The following AK5 variants were observed in gnomAD, a reference collection of about 807,000 sequenced individuals.
AK5 encodes adenylate kinase 5.
In AK5, 27 loss-of-function variants were observed where a neutral mutation model predicts 69.5. The ratio of observed to expected loss-of-function variants is 0.39; its 90% CI spans 0.29 to 0.54. The LOEUF (loss-of-function observed/expected upper bound fraction) is 0.54, where lower values mean the gene tolerates loss of function less well. Ranked by LOEUF, AK5 falls within the 20% of genes least tolerant of loss-of-function variation. The pLI, the probability that AK5 is intolerant of heterozygous loss-of-function variation, is 0.71. For synonymous variants in AK5, 260 were observed against 244.4 expected (o/e 1.06, Z -0.60); for missense variants, 531 against 700.4 (o/e 0.76, Z 2.73).
intron 6 of AK5, among the ~76,000 whole-genome samples, chr1:77,360,162 G>A (rs576947699): frequency 8.5e-5 from 13 of 152,286 alleles, no homozygotes; most frequent in Admixed American, 2.6e-4. Context: ...ATAGATTAGA[G>A]TTGAATAACA....
At chr1:77,349,413 A>G (rs1032365637) in intron 6 of AK5, 1 of 152,260 alleles carries the variant, frequency 6.6e-6, no homozygotes, top group African/African-American at 2.4e-5. Flanking sequence ...ACGAAAGCAC[A>G]TGAAAGTGTA....
chr1:77,307,741 C>T (rs1659723498), intron 5 of AK5, among the ~76,000 whole-genome samples: 1 of 152,132 alleles, frequency 6.6e-6, no homozygotes, highest in Non-Finnish European at 1.5e-5. Context: ...TTCTCCCTCC[C>T]CTGGCACCCA....
chr1:77,466,488 A>G (rs982674031), intron 8 of AK5, among the ~76,000 whole-genome samples: 5 of 152,206 alleles, frequency 3.3e-5, no homozygotes, highest in African/African-American at 1.2e-4. Flanking sequence ...CTGGCAGATC[A>G]GGACAGATCA....
chr1:77,361,950 A>C (rs183369388), intron 6 of AK5, among the ~76,000 whole-genome samples: 5 of 152,214 alleles, frequency 3.3e-5, no homozygotes, highest in Admixed American at 1.3e-4. Context: ...ATATCACCCT[A>C]CTCTGCTGTG....
chr1:77,357,955 C>T (rs1662620062), intron 6 of AK5, among the ~76,000 whole-genome samples: 2 of 148,750 alleles, frequency 1.3e-5, no homozygotes, highest in East Asian at 4.0e-4. Context: ...AAAAATCTTA[C>T]AGTTCCTTTT....
intron 6 of AK5, among the ~76,000 whole-genome samples, chr1:77,376,513 CTA>C (rs1180721394): frequency 6.9e-6 from 1 of 144,768 alleles, no homozygotes; most frequent in Non-Finnish European, 1.5e-5. Context: ...GTGCATGTAA[CTA>C]TTTCTATGGG....
chr1:77,302,810 G>A (rs1659415512), intron 5 of AK5, among the ~76,000 whole-genome samples: 2 of 152,312 alleles, frequency 1.3e-5, no homozygotes, highest in Admixed American at 1.3e-4. Flanking sequence ...AGAGCAGTCA[G>A]TGTACACAGA....
At chr1:77,552,002 C>G (rs772276526) in intron 13 of AK5, among the ~76,000 whole-genome samples, 7 of 152,148 alleles carry the variant, frequency 4.6e-5, no homozygotes, top group Non-Finnish European at 8.8e-5. Flanking sequence ...AAACCTTCTC[C>G]TAGGCCCATC....
At chr1:77,463,569 T>TAA (rs1557610996) in intron 8 of AK5, among the ~76,000 whole-genome samples, 2 of 8,202 alleles carry the variant, frequency 2.4e-4, no homozygotes, top group Non-Finnish European at 9.3e-4. Context: ...CTGTTTAGCT[T>TAA]TAAAAAAAAA....
intron 8 of AK5, among the ~76,000 whole-genome samples, chr1:77,443,989 G>A (rs551301896): frequency 6.6e-6 from 1 of 150,896 alleles, no homozygotes; most frequent in African/African-American, 2.4e-5. Flanking sequence ...AATCCTGACT[G>A]CAGTACACTA....
At chr1:77,334,314 G>A (rs1175777942) in intron 5 of AK5, among the ~76,000 whole-genome samples, 2 of 152,120 alleles carry the variant, frequency 1.3e-5, no homozygotes, top group Non-Finnish European at 2.9e-5. Flanking sequence ...AAATTTAGCT[G>A]TCAGTCTAAT....
At chr1:77,531,989 TCCGGCCGGCCGG>T (rs78163096) in intron 12 of AK5, 6,252 of 148,622 alleles carry the variant, frequency 0.042, 189 homozygotes, top group Non-Finnish European at 0.066. Flanking sequence ...CCTGCGGCCA[TCCGGCCGGCCGG>T]CCGGCCGCTC....
chr1:77,500,171 A>G (rs922843766), intron 10 of AK5, among the ~76,000 whole-genome samples: 1 of 152,112 alleles, frequency 6.6e-6, no homozygotes, highest in African/African-American at 2.4e-5. Context: ...AACTAACCAT[A>G]ACTAAGAAAC....
At chr1:77,438,174 G>A (rs1652070449) in intron 8 of AK5, among the ~76,000 whole-genome samples, 1 of 151,340 alleles carries the variant, frequency 6.6e-6, no homozygotes, top group Non-Finnish European at 1.5e-5. Context: ...AGCAAAATTA[G>A]GTTATTTTAA....
intron 6 of AK5, among the ~76,000 whole-genome samples, chr1:77,406,484 T>A (rs1649655326): frequency 6.6e-6 from 1 of 151,924 alleles, no homozygotes; most frequent in African/African-American, 2.4e-5. Context: ...GAGGGCCTAA[T>A]CAGATATTCA....
At chr1:77,475,407 G>A (rs1291610160) in intron 8 of AK5, among the ~76,000 whole-genome samples, 112 of 1,914 alleles carry the variant, frequency 0.059, 4 homozygotes, top group Non-Finnish European at 0.14. Context: ...TAATATATAT[G>A]TATATATATA....
chr1:77,495,845 A>AGG (rs80329265), intron 10 of AK5, among the ~76,000 whole-genome samples: 12 of 152,058 alleles, frequency 7.9e-5, no homozygotes, highest in South Asian at 2.1e-4. Context: ...ATAGACTTAA[A>AGG]GGGGGGTGCT....
At chr1:77,554,762 T>G (rs61777089) in intron 13 of AK5, among the ~76,000 whole-genome samples, 2 of 139,976 alleles carry the variant, frequency 1.4e-5, no homozygotes, top group African/African-American at 2.6e-5. Context: ...CCCGCCACCA[T>G]GCCCGGCTAT....
intron 13 of AK5, among the ~76,000 whole-genome samples, chr1:77,551,176 TCAAAA>T (rs1304813619): frequency 1.3e-5 from 2 of 151,874 alleles, no homozygotes; most frequent in African/African-American, 2.4e-5. Flanking sequence ...AAACTCCATC[TCAAAA>T]CAAAACAAAA....
Sources: allele counts gnomAD v4.1 joint callset (sites outside exome capture counted in the v4.1 genomes callset), GRCh38; gene constraint gnomAD v4.1.1; transcripts MANE v1.5; gene names NCBI Gene and HGNC (gene_info 2026-07-23, HGNC 2026-07-21).